The following ZNF697 variants were observed in gnomAD, a reference collection of about 807,000 sequenced individuals.
ZNF697 encodes zinc finger protein 697.
A neutral mutation model predicts 32.4 loss-of-function variants in ZNF697; 23 were observed. The ratio of observed to expected loss-of-function variants is 0.71; its 90% CI spans 0.51 to 1.01. The LOEUF is 1.01. ZNF697 is among the 50% of genes least tolerant of loss of function. The probability of loss-of-function intolerance (pLI) is 0.00; values close to 1 mark genes in which losing one functional copy is unlikely to be tolerated. For missense variants in ZNF697, 930 were observed against 794.0 expected (o/e 1.17, Z -2.06); for synonymous variants, 418 against 337.2 (o/e 1.24, Z -2.62).
intron 1 of ZNF697, among the ~76,000 whole-genome samples, chr1:119,637,554 A>G (rs1466956448): frequency 6.6e-6 from 1 of 152,182 alleles, no homozygotes; most frequent in Non-Finnish European, 1.5e-5. Flanking sequence ...CTTGCACCAC[A>G]TTCTCCCAAC....
chr1:119,628,667 A>C (rs1648671731), intron 1 of ZNF697, among the ~76,000 whole-genome samples: 1 of 152,204 alleles, frequency 6.6e-6, no homozygotes, highest in Non-Finnish European at 1.5e-5. Context: ...TTTGTTTTAA[A>C]ATGCATTATG....
At chr1:119,637,984 A>AAG (rs370378866) in intron 1 of ZNF697, among the ~76,000 whole-genome samples, 2 of 151,894 alleles carry the variant, frequency 1.3e-5, no homozygotes, top group African/African-American at 4.8e-5. Context: ...AGAGAGAGAA[A>AAG]AGAGAGAGAG....
Position 119,622,844 on chromosome 1 carries a change from T to C in ZNF697, c.1499A>G (p.Lys500Arg), listed in dbSNP as rs1169038793. 6.2e-7 allele frequency: 1 copy of C among 1,607,808 alleles called. No individual in the cohort carries two copies. The highest frequency in any genetic ancestry group is 8.5e-7 in the Non-Finnish European group (1 of 1,176,786). Residue 500 changes from lysine (K) to arginine (R), a missense_variant, in exon 3 of 3, where the codon AAG (lysine) becomes AGG (arginine). Physicochemically the swap from Lys to Arg is conservative, Grantham distance 26 (BLOSUM62 2). Coordinates refer to ENST00000421812, the MANE Select transcript of ZNF697 (RefSeq NM_001080470.2). ...CAGGTGGGAGCTCTGGATAAAGCTC[T>C]TGCCGCACTCGATGCACGTGTAGGG... ...EKPYTCIECG[K>R]SFIQSSHLIR...
intron 1 of ZNF697, among the ~76,000 whole-genome samples, chr1:119,647,108 G>A (rs935158009): frequency 6.6e-6 from 1 of 152,070 alleles, no homozygotes; most frequent in Non-Finnish European, 1.5e-5. Flanking sequence ...GGGGGAGGCG[G>A]TTAGGAAAAA....
intron 1 of ZNF697, among the ~76,000 whole-genome samples, chr1:119,633,710 AT>A (rs1648847165): frequency 6.6e-6 from 1 of 152,264 alleles, no homozygotes; most frequent in African/African-American, 2.4e-5. Flanking sequence ...GCCCAGCCAA[AT>A]TGACACATAA....
Position 119,623,631 on chromosome 1 carries a change from T to C in ZNF697, c.712A>G (p.Met238Val). 1 of 507,278 alleles carries C rather than the reference T, an allele frequency of 2.0e-6. No homozygotes were observed. Among genetic ancestry groups the C allele is most frequent in the Non-Finnish European group, 3.4e-6 (1 of 294,590 alleles). The allele number at this position is 507,278 out of a possible 1,614,324, so 31.4% of individuals were successfully genotyped here. The change falls in exon 3 of 3, where the codon ATG (methionine) becomes GTG (valine). Residue 238 changes from methionine (M) to valine (V), a missense_variant. Coordinates refer to ENST00000421812, the MANE Select transcript of ZNF697 (RefSeq NM_001080470.2). ...AAGCCCCCCGCCACACCCACCCCCA[T>C]CATGCCCACCATCGCGTCGCACTCG... ...AGECDAMVGM[M>V]GVGVAGGFGA...
chr1:119,637,922 C>T (rs893494861), intron 1 of ZNF697, among the ~76,000 whole-genome samples: 7 of 149,968 alleles, frequency 4.7e-5, no homozygotes, highest in African/African-American at 1.5e-4. Flanking sequence ...AAAAAGTCAT[C>T]GTCTGTGTGT....
At chr1:119,640,498 A>T (rs1649039229) in intron 1 of ZNF697, among the ~76,000 whole-genome samples, 1 of 152,220 alleles carries the variant, frequency 6.6e-6, no homozygotes, top group Admixed American at 6.5e-5. Context: ...ATTCTCAAAA[A>T]AGAATTCTAC....
At chr1:119,643,013 T>C (rs1354600292) in intron 1 of ZNF697, among the ~76,000 whole-genome samples, 1 of 152,246 alleles carries the variant, frequency 6.6e-6, no homozygotes, top group African/African-American at 2.4e-5. Context: ...ATCAAAGATG[T>C]GCTAAGCACA....
chr1:119,635,931 T>C (rs75969333), intron 1 of ZNF697, among the ~76,000 whole-genome samples: 216 of 152,094 alleles, frequency 1.4e-3, no homozygotes, highest in Non-Finnish European at 2.4e-3. Context: ...GCTCCTACTT[T>C]ACATGAGAAC....
rs1292537348 is a variant in ZNF697, at chr1:119,621,365, C to T, written c.*1340G>A. The T allele has an allele frequency of 6.6e-6, 1 of 152,652 alleles. No individual in the cohort carries two copies. The highest frequency in any genetic ancestry group is 1.5e-5 in the Non-Finnish European group (1 of 68,054). The allele number at this position is 152,652 out of a possible 1,614,324, so 9.5% of individuals were successfully genotyped here. On this transcript the variant is annotated 3_prime_UTR_variant, in exon 3 of 3. Coordinates refer to ENST00000421812, the MANE Select transcript of ZNF697 (RefSeq NM_001080470.2). ...CTAAGACAGCGGTCATAATACTGAT[C>T]TAACTCACAATGATGTGAGAAACAG...
At chr1:119,632,008 C>A (rs1223668877) in intron 1 of ZNF697, among the ~76,000 whole-genome samples, 2 of 152,164 alleles carry the variant, frequency 1.3e-5, no homozygotes, top group East Asian at 3.9e-4. Context: ...GAACTCATGA[C>A]CACAACTGGG....
Position 119,622,842 on chromosome 1 carries a change from T to G in ZNF697, c.1501A>C (p.Ser501Arg). 6.2e-7 allele frequency: 1 copy of G among 1,607,348 alleles called. No homozygotes were observed. Among genetic ancestry groups the G allele is most frequent in the Non-Finnish European group, 8.5e-7 (1 of 1,176,614 alleles). The change falls in exon 3 of 3, where the codon AGC (serine) becomes CGC (arginine). Residue 501 changes from serine to arginine, a missense_variant. Coordinates refer to ENST00000421812, the MANE Select transcript of ZNF697 (RefSeq NM_001080470.2). ...KPYTCIECGK[S>R]FIQSSHLIRH... ...ATCAGGTGGGAGCTCTGGATAAAGC[T>G]CTTGCCGCACTCGATGCACGTGTAG... is the stretch of plus-strand genomic sequence containing the variant.
chr1:119,630,533 TATC>T (rs368123244), intron 1 of ZNF697, among the ~76,000 whole-genome samples: 1 of 152,218 alleles, frequency 6.6e-6, no homozygotes, highest in African/African-American at 2.4e-5. Flanking sequence ...CCTATCACCC[TATC>T]ACTGGGAAAA....
chr1:119,641,399 A>G (rs1252320104), intron 1 of ZNF697, among the ~76,000 whole-genome samples: 1 of 152,218 alleles, frequency 6.6e-6, no homozygotes, highest in Non-Finnish European at 1.5e-5. Flanking sequence ...AAAAAAAATA[A>G]CAAGAAAAAG....
chr1:119,647,209 C>T (rs1649234792), intron 1 of ZNF697, among the ~76,000 whole-genome samples: 1 of 152,180 alleles, frequency 6.6e-6, no homozygotes, highest in Non-Finnish European at 1.5e-5. Context: ...CTCAGCGCCT[C>T]TGTGTCGCTG....
chr1:119,624,708 T>C (rs10802126), intron 2 of ZNF697, among the ~76,000 whole-genome samples: 104,359 of 151,610 alleles, frequency 0.69, 36,547 homozygotes, highest in African/African-American at 0.83. Context: ...GATTCTCCTG[T>C]CTCAGCCTCC....
At chr1:119,639,897 G>A (rs1433275239) in intron 1 of ZNF697, among the ~76,000 whole-genome samples, 6 of 152,114 alleles carry the variant, frequency 3.9e-5, no homozygotes, top group Middle Eastern at 3.2e-3. Context: ...GGAGCCATAC[G>A]ACCTGTGTGA....
intron 1 of ZNF697, among the ~76,000 whole-genome samples, chr1:119,636,831 G>C (rs1284960664): frequency 6.6e-6 from 1 of 152,088 alleles, no homozygotes; most frequent in African/African-American, 2.4e-5. Context: ...TTGTGATTTG[G>C]GTCTCCCAGC....
Sources: allele counts gnomAD v4.1 joint callset (sites outside exome capture counted in the v4.1 genomes callset), GRCh38; gene constraint gnomAD v4.1.1; transcripts MANE v1.5; gene names NCBI Gene and HGNC (gene_info 2026-07-23, HGNC 2026-07-21).